ANKS1B: variants seen among roughly 807,000 people sequenced by gnomAD.
ANKS1B encodes ankyrin repeat and sterile alpha motif domain-containing protein 1B.
In ANKS1B, 36 loss-of-function variants were observed where a neutral mutation model predicts 148.3. The observed-to-expected ratio is 0.24, with a 90% CI of 0.19 to 0.32. The LOEUF (loss-of-function observed/expected upper bound fraction) is 0.32, where lower values mean the gene tolerates loss of function less well. ANKS1B is among the 10% of genes least tolerant of loss of function. The probability of loss-of-function intolerance (pLI) is 1.00; values close to 1 mark genes in which losing one functional copy is unlikely to be tolerated. For synonymous variants in ANKS1B, 542 were observed against 560.8 expected, an observed-to-expected ratio of 0.97 and a Z score of 0.47; for missense variants, 1,157 against 1,542.6, an observed-to-expected ratio of 0.75 and a Z score of 4.19.
At chr12:99,801,587 A>G (rs1339469463) in intron 4 of ANKS1B, among the ~76,000 whole-genome samples, 1 of 152,190 alleles carries the variant, frequency 6.6e-6, no homozygotes, top group South Asian at 2.1e-4. Flanking sequence ...TACAATGAGT[A>G]AAAACAAGCT....
At position 99,369,788 on chromosome 12, in the gene ANKS1B, A is replaced by AGATAGACG. The variant is rs770146685; in HGVS notation, c.1756+29842_1756+29843insCGTCTATC. Reference sequence around the variant, plus strand: ...TAGATAGATAGATAGATAGATAGATAGATGGACGGACGGACAGACGGACGG... The same window carrying AGATAGACG: ...TAGATAGATAGATAGATAGATAGATAGATAGACGGATGGACGGACGGACAGACGGACGG... On this transcript the variant is annotated intron_variant, in intron 12 of 26. Coordinates refer to ENST00000683438, the MANE Select transcript of ANKS1B (RefSeq NM_001352186.2). Among the ~76,000 whole-genome samples, 429 of 103,906 alleles carry AGATAGACG rather than the reference A, an allele frequency of 4.1e-3. 4 individuals carry two copies. Among genetic ancestry groups the AGATAGACG allele is most frequent in the Non-Finnish European group, 6.0e-3 (310 of 51,496 alleles). The allele number at this position is 103,906 out of a possible 152,430, so 68.2% of individuals were successfully genotyped here.
intron 11 of ANKS1B, among the ~76,000 whole-genome samples, chr12:99,421,852 T>C (rs977922228): frequency 6.6e-6 from 1 of 152,162 alleles, no homozygotes; most frequent in African/African-American, 2.4e-5. Context: ...AAATCCTTCA[T>C]GTCTTGGTGC....
intron 17 of ANKS1B, among the ~76,000 whole-genome samples, chr12:98,862,268 C>G (rs1040521224): frequency 2.0e-5 from 3 of 152,126 alleles, no homozygotes; most frequent in Non-Finnish European, 4.4e-5. Flanking sequence ...CAGAACCCAG[C>G]CTACCACTTC....
chr12:99,193,558 A>G (rs1426552172), intron 14 of ANKS1B, among the ~76,000 whole-genome samples: 2 of 152,078 alleles, frequency 1.3e-5, no homozygotes, highest in East Asian at 3.9e-4. Flanking sequence ...TGTCATGCAA[A>G]ACTTTGGTTA....
chr12:99,443,930 T>C (rs2095591519), intron 10 of ANKS1B, 121 bp from the exon 11 acceptor site: 3 of 1,149,478 alleles, frequency 2.6e-6, no homozygotes, highest in Non-Finnish European at 3.7e-6. Context: ...AATTACAAGA[T>C]CATAATGAGG....
intron 9 of ANKS1B, among the ~76,000 whole-genome samples, chr12:99,567,587 A>G (rs957155231): frequency 1.3e-5 from 2 of 152,188 alleles, no homozygotes; most frequent in Non-Finnish European, 2.9e-5. Context: ...ACTAGAACTA[A>G]TCCAAGAAAA....
intron 8 of ANKS1B, among the ~76,000 whole-genome samples, chr12:99,702,673 G>A (rs564629058): frequency 6.7e-6 from 1 of 150,084 alleles, no homozygotes; most frequent in East Asian, 2.0e-4. Flanking sequence ...CTCCCAAGTA[G>A]CTGGGACCAT....
At chr12:99,683,083 G>A (rs913100152) in intron 8 of ANKS1B, among the ~76,000 whole-genome samples, 8 of 152,126 alleles carry the variant, frequency 5.3e-5, no homozygotes, top group African/African-American at 1.2e-4. Context: ...ACCAGGTCTC[G>A]TGAGACTTAT....
In ANKS1B at chr12:99,399,766, T is replaced by C; in HGVS notation, c.1621A>G (p.Met541Val). 1.2e-6 allele frequency: 2 copies of C among 1,613,504 alleles called. No individual in the cohort carries two copies. The change falls in exon 12 of 27, where the codon ATG becomes GTG. Residue 541 changes from methionine to valine, a missense_variant. Met to Val is a conservative substitution (Grantham distance 21). This residue lies in a region of ANKS1B where 661 missense variants were observed against 642.1 expected (regional missense o/e 1.03). Transcript: ENST00000683438. ...SIVSSLDFHR[M>V]NHNQEYFEIN... ...TCAAAATATTCTTGGTTGTGATTCA[T>C]TCGGTGAAAATCCAGAGAAGACACA...
At chr12:99,489,497 G>T (rs912781833) in intron 10 of ANKS1B, among the ~76,000 whole-genome samples, 1 of 152,120 alleles carries the variant, frequency 6.6e-6, no homozygotes, top group Non-Finnish European at 1.5e-5. Flanking sequence ...CATTATATTA[G>T]TAGCTATGCT....
chr12:99,549,524 C>A (rs748531647), intron 9 of ANKS1B, among the ~76,000 whole-genome samples: 18 of 152,108 alleles, frequency 1.2e-4, no homozygotes, highest in Non-Finnish European at 2.2e-4. Flanking sequence ...TCACTCTTTT[C>A]TTTCTATCTT....
intron 12 of ANKS1B, among the ~76,000 whole-genome samples, chr12:99,280,357 A>G (rs564313101): frequency 2.0e-5 from 3 of 152,194 alleles, no homozygotes; most frequent in Non-Finnish European, 4.4e-5. Context: ...TGCTGGATAC[A>G]TAATCTGACT....
At chr12:99,779,237 T>G (rs1324348023) in intron 6 of ANKS1B, among the ~76,000 whole-genome samples, 1 of 152,230 alleles carries the variant, frequency 6.6e-6, no homozygotes, top group Non-Finnish European at 1.5e-5. Context: ...CAAATGCACT[T>G]AAATGACTTT....
At chr12:99,394,449 T>G (rs1453802525) in intron 12 of ANKS1B, among the ~76,000 whole-genome samples, 1 of 152,054 alleles carries the variant, frequency 6.6e-6, no homozygotes, top group Non-Finnish European at 1.5e-5. Flanking sequence ...AGTCCTCTCC[T>G]CCCTTTCTCC....
chr12:99,482,477 G>A (rs2096427376), intron 10 of ANKS1B, among the ~76,000 whole-genome samples: 1 of 151,984 alleles, frequency 6.6e-6, no homozygotes, highest in Admixed American at 6.6e-5. Flanking sequence ...CTCCAGATTT[G>A]TTCTTTTTGC....
intron 9 of ANKS1B, among the ~76,000 whole-genome samples, chr12:99,625,574 C>G (rs987701147): frequency 6.6e-6 from 1 of 152,020 alleles, no homozygotes; most frequent in South Asian, 2.1e-4. Flanking sequence ...GGAATAGCAA[C>G]TGAAGAAAGA....
At position 99,984,384 on chromosome 12, in the gene ANKS1B, G is replaced by T; in HGVS notation, c.-147C>A. ...CACGGAGAGCTCCCTGCAGCCCCAG[G>T]CAGGGAGCACGACTCTCTCCTCCTC... On this transcript the variant is annotated 5_prime_UTR_variant, in exon 1 of 27. Coordinates refer to ENST00000683438, the MANE Select transcript of ANKS1B (RefSeq NM_001352186.2). The T allele has an allele frequency of 4.4e-6, 2 of 454,844 alleles. No individual in the cohort carries two copies. The highest frequency in any genetic ancestry group is 7.7e-6 in the Non-Finnish European group (2 of 260,794). 28.2% of individuals were successfully genotyped at this position (454,844 alleles called of 1,614,324 possible). A position where few individuals can be genotyped will look rare whatever the true frequency, so the allele number is the denominator to read the frequency against.
At chr12:98,889,441 G>A (rs1036350020) in intron 17 of ANKS1B, among the ~76,000 whole-genome samples, 9 of 151,536 alleles carry the variant, frequency 5.9e-5, no homozygotes, top group African/African-American at 1.9e-4. Flanking sequence ...TCCACCTCCC[G>A]GGCTCAAGCG....
intron 9 of ANKS1B, among the ~76,000 whole-genome samples, chr12:99,541,938 G>A (rs747796551): frequency 7.9e-5 from 12 of 151,892 alleles, no homozygotes; most frequent in Admixed American, 6.6e-5. Context: ...TGATAAAGGC[G>A]TCTATGAAAA....
Sources: gnomAD v4.1 joint callset for allele counts (sites outside exome capture counted in the v4.1 genomes callset) on GRCh38, gnomAD v4.1.1 for gene constraint, gnomAD v4.1.1 regional missense constraint, MANE v1.5 for transcripts, NCBI Gene and HGNC (gene_info 2026-07-23, HGNC 2026-07-21) for gene names.